The following YTHDF1 variants were observed in gnomAD, a reference collection of about 807,000 sequenced individuals.
The protein encoded by YTHDF1 is YTH N6-methyladenosine RNA binding protein F1.
In YTHDF1, 16 loss-of-function variants were observed where a neutral mutation model predicts 49.1. The observed-to-expected ratio is 0.33, with a 90% CI of 0.22 to 0.49. The LOEUF is 0.49. Among genes scored for constraint, YTHDF1 ranks in the 20% least tolerant of loss-of-function variants. YTHDF1 has a pLI of 0.99. For missense variants in YTHDF1, 621 were observed against 744.3 expected (o/e 0.83, Z 1.93); for synonymous variants, 313 against 290.1 (o/e 1.08, Z -0.80).
intron 4 of YTHDF1, among the ~76,000 whole-genome samples, chr20:63,201,161 A>C (rs182164443): frequency 6.6e-6 from 1 of 152,330 alleles, no homozygotes; most frequent in East Asian, 1.9e-4. Flanking sequence ...TACTTTTCCA[A>C]AGTTCTACAA....
At chr20:63,206,906 C>T (rs1415071097) in intron 3 of YTHDF1, among the ~76,000 whole-genome samples, 1 of 147,260 alleles carries the variant, frequency 6.8e-6, no homozygotes, top group Non-Finnish European at 1.5e-5. Flanking sequence ...CACACTCCTT[C>T]CCTGGTGAGG....
At chr20:63,200,766 C>T (rs564112627) in intron 4 of YTHDF1, among the ~76,000 whole-genome samples, 1 of 152,306 alleles carries the variant, frequency 6.6e-6, no homozygotes, top group South Asian at 2.1e-4. Flanking sequence ...CCAAGTATTA[C>T]GGTATTTAAG....
intron 4 of YTHDF1, 32 bp downstream of exon 4, chr20:63,202,255 G>A: frequency 6.3e-7 from 1 of 1,593,464 alleles, no homozygotes; most frequent in Non-Finnish European, 8.6e-7. Context: ...GGACACATCT[G>A]CATGGCAGTT....
chr20:63,207,341 T>C (rs890796520), intron 3 of YTHDF1, among the ~76,000 whole-genome samples: 13 of 151,860 alleles, frequency 8.6e-5, no homozygotes, highest in African/African-American at 1.2e-4. Context: ...TGGTGGTGGG[T>C]GCCTGTAGTC....
chr20:63,212,500 C>T (rs1004259790), intron 3 of YTHDF1, among the ~76,000 whole-genome samples: 5 of 152,188 alleles, frequency 3.3e-5, no homozygotes, highest in Admixed American at 1.3e-4. Flanking sequence ...TCACAGCACA[C>T]GAAATGGAGC....
At chr20:63,211,637 C>A (rs1209319973) in intron 3 of YTHDF1, among the ~76,000 whole-genome samples, 2 of 152,052 alleles carry the variant, frequency 1.3e-5, no homozygotes, top group African/African-American at 2.4e-5. Flanking sequence ...TCCTCCCAAA[C>A]AACACAAAAG....
rs551983655 is a variant in YTHDF1 at position 63,208,139 on chromosome 20, T to C, written c.133-4332A>G. ...TCAATGGTTAAGTTTACTTCCTATA[T>C]CCATTTTTCTGAGATGGAGTTGGAA... On this transcript the variant is annotated intron_variant, in intron 3 of 4. Coordinates refer to ENST00000370339, the MANE Select transcript of YTHDF1 (RefSeq NM_017798.4). Among the ~76,000 whole-genome samples, 9 of 152,200 alleles carry C rather than the reference T, an allele frequency of 5.9e-5. No individual in the cohort carries two copies. The East Asian group carries it at 1.7e-3, about 29-fold the overall frequency.
chr20:63,204,166 G>A (rs1309392587), intron 3 of YTHDF1, among the ~76,000 whole-genome samples: 3 of 152,200 alleles, frequency 2.0e-5, no homozygotes, highest in African/African-American at 7.2e-5. Context: ...TGACGACAAC[G>A]CTTATGACAG....
intron 3 of YTHDF1, among the ~76,000 whole-genome samples, chr20:63,211,961 AC>A (rs2066576389): frequency 5.4e-3 from 1 of 186 alleles, no homozygotes; most frequent in Non-Finnish European, 0.016. Context: ...TCTCCAAAAT[AC>A]ACACACACAC....
intron 3 of YTHDF1, among the ~76,000 whole-genome samples, chr20:63,205,629 C>A (rs976235925): frequency 6.6e-6 from 1 of 152,082 alleles, no homozygotes. Context: ...ATGCCTCAGC[C>A]TCCCAAGTAG....
At position 63,202,337 on chromosome 20, in the gene YTHDF1, C is replaced by T. The variant is rs2066521410; in HGVS notation, c.1603G>A (p.Asp535Asn). The T allele has an allele frequency of 1.2e-6, 2 of 1,614,104 alleles. No homozygotes were observed. The highest frequency in any genetic ancestry group is 2.2e-5 in the South Asian group (2 of 91,084). Residue 535 changes from aspartate to asparagine, a missense_variant, in exon 4 of 5, where the codon GAC becomes AAC. Asp to Asn is a conservative substitution (Grantham distance 23, BLOSUM62 1). Coordinates refer to ENST00000370339, the MANE Select transcript of YTHDF1 (RefSeq NM_017798.4). The stretch of plus-strand genomic sequence containing the variant: ...TGGCGCTTCTCGTAGTGAGCAAAGT[C>T]GTCGAAGATGGAGGTTGTGTGCTTG... The part of the protein sequence containing the change: ...SYKHTTSIFD[D>N]FAHYEKRQEE...
Position 63,202,875 on chromosome 20 carries a change from C to G in YTHDF1, c.1065G>C (p.Gln355His). The change falls in exon 4 of 5, where the codon CAG becomes CAC. Residue 355 changes from glutamine (Q) to histidine (H), a missense_variant. Around this residue, in one of 2 missense-constraint regions of YTHDF1, gnomAD observed 470 missense variants for 495.8 expected, o/e 0.95. Coordinates refer to ENST00000370339, the MANE Select transcript of YTHDF1 (RefSeq NM_017798.4). ...GSDSNSPGNV[Q>H]PNSAPSVESH... The stretch of plus-strand genomic sequence containing the variant: ...ATTCGACGCTGGGGGCAGAATTAGG[C>G]TGGACGTTTCCAGGAGAGTTGCTAT... The G allele has an allele frequency of 6.2e-7, 1 of 1,613,942 alleles. No homozygotes were observed. The highest frequency in any genetic ancestry group is 8.5e-7 in the Non-Finnish European group (1 of 1,180,054).
intron 3 of YTHDF1, among the ~76,000 whole-genome samples, chr20:63,210,089 C>G (rs554423956): frequency 3.3e-5 from 5 of 152,300 alleles, no homozygotes; most frequent in African/African-American, 1.2e-4. Flanking sequence ...GTCACACCTA[C>G]TGCAGCACCA....
chr20:63,206,039 G>T (rs1034552277), intron 3 of YTHDF1, among the ~76,000 whole-genome samples: 15 of 151,640 alleles, frequency 9.9e-5, no homozygotes, highest in Non-Finnish European at 2.1e-4. Context: ...AGCGAATCAG[G>T]GGGGCGGTCT....
intron 1 of YTHDF1, 54 bp downstream of exon 1, chr20:63,215,812 C>T: frequency 6.9e-7 from 1 of 1,454,016 alleles, no homozygotes; most frequent in South Asian, 1.3e-5. Context: ...AGGACCTCAA[C>T]CCAGACCCCG....
At chr20:63,206,826 T>TC (rs1361284901) in intron 3 of YTHDF1, among the ~76,000 whole-genome samples, 1 of 151,150 alleles carries the variant, frequency 6.6e-6, no homozygotes, top group Non-Finnish European at 1.5e-5. Context: ...AGTCAGTCAT[T>TC]CTGTACATAA....
Position 63,203,890 on chromosome 20 carries a change from G to T in YTHDF1, c.133-83C>A. ...CCAACCGCCTCTTGCTTAAGCACAG[G>T]TGGAGCAAAAACAAAACCTGCACAG... On this transcript the variant is annotated intron_variant, in intron 3 of 4. Coordinates refer to ENST00000370339, the MANE Select transcript of YTHDF1 (RefSeq NM_017798.4). The surrounding 1 kb of genome is among the most constrained non-coding windows in gnomAD (Gnocchi z 4.4). The T allele has an allele frequency of 7.2e-7, 1 of 1,386,804 alleles. No individual in the cohort carries two copies. Among genetic ancestry groups the T allele is most frequent in the East Asian group, 2.5e-5 (1 of 40,454 alleles). 85.9% of individuals were successfully genotyped at this position (1,386,804 alleles called of 1,614,324 possible).
At chr20:63,215,552 C>A in intron 2 of YTHDF1, 25 bp downstream of exon 2, 1 of 1,613,716 alleles carries the variant, frequency 6.2e-7, no homozygotes, top group Non-Finnish European at 8.5e-7. Context: ...CCAGCCCGCG[C>A]CGGCCGTCCC....
At chr20:63,208,525 C>T (rs897998652) in intron 3 of YTHDF1, among the ~76,000 whole-genome samples, 3 of 152,202 alleles carry the variant, frequency 2.0e-5, no homozygotes, top group Admixed American at 2.0e-4. Flanking sequence ...AATTTCAGCC[C>T]CTCAGCTGGT....
Sources: allele counts gnomAD v4.1 joint callset (sites outside exome capture counted in the v4.1 genomes callset), GRCh38; gene constraint gnomAD v4.1.1; regional missense constraint gnomAD v4.1.1; non-coding constraint Gnocchi (gnomAD v3.1); transcripts MANE v1.5; gene names NCBI Gene and HGNC (gene_info 2026-07-23, HGNC 2026-07-21).